The following LRGUK variants were observed in gnomAD, a reference collection of about 807,000 sequenced individuals.
LRGUK encodes leucine-rich repeat and guanylate kinase domain-containing protein.
A neutral mutation model predicts 76.0 loss-of-function variants in LRGUK; 65 were observed. The ratio of observed to expected loss-of-function variants is 0.85; its 90% CI spans 0.70 to 1.05. The LOEUF (loss-of-function observed/expected upper bound fraction) is 1.05, where lower values mean the gene tolerates loss of function less well. Among genes scored for constraint, LRGUK ranks in the 50% least tolerant of loss-of-function variants. The pLI is 0.00. For missense variants in LRGUK, 758 were observed against 732.8 expected, an observed-to-expected ratio of 1.03 and a Z score of -0.40; for synonymous variants, 268 against 265.6, an observed-to-expected ratio of 1.01 and a Z score of -0.09.
chr7:134,130,367 G>A (rs201351260), intron 1 of LRGUK, among the ~76,000 whole-genome samples: 1 of 5,240 alleles, frequency 1.9e-4, no homozygotes, highest in Non-Finnish European at 1.3e-3. Context: ...CTTTGGCTAT[G>A]GGGTTCATTA....
chr7:134,178,926 C>CAAAA (rs950815389), intron 10 of LRGUK, among the ~76,000 whole-genome samples: 3 of 43,572 alleles, frequency 6.9e-5, no homozygotes, highest in African/African-American at 2.6e-4. Context: ...AGTGAAATCT[C>CAAAA]AAAAAAAAAA....
intron 16 of LRGUK, among the ~76,000 whole-genome samples, chr7:134,230,137 A>C (rs1801857477): frequency 6.6e-6 from 1 of 152,170 alleles, no homozygotes. Flanking sequence ...AACTATAACC[A>C]ACAAAGTGTA....
chr7:134,195,185 A>T (rs1374462078), intron 12 of LRGUK, among the ~76,000 whole-genome samples: 7 of 152,156 alleles, frequency 4.6e-5, no homozygotes, highest in Admixed American at 4.6e-4. Context: ...TCTACAAAAT[A>T]TCTCAAGCAC....
Position 134,157,516 on chromosome 7 carries a change from A to G in LRGUK, c.671-519A>G, listed in dbSNP as rs532639421. Among the ~76,000 whole-genome samples the G allele has an allele frequency of 1.4e-4, 22 of 152,302 alleles. No homozygotes were observed. The South Asian group carries it at 4.6e-3, about 32-fold the overall frequency. On this transcript the variant is annotated intron_variant, in intron 5 of 15. Transcript: ENST00000645682. ...TTAAATGAGTCAGATACAATCCAGC[A>G]CACTCAAAAGCTATGCGTTTTTTTG...
chr7:134,226,700 G>C (rs1162855192), intron 16 of LRGUK, among the ~76,000 whole-genome samples: 1 of 152,184 alleles, frequency 6.6e-6, no homozygotes, highest in Non-Finnish European at 1.5e-5. Flanking sequence ...GCTATGAGAT[G>C]CCATTTCCTC....
chr7:134,142,266 C>G (rs1406709144), intron 3 of LRGUK, among the ~76,000 whole-genome samples: 1 of 152,214 alleles, frequency 6.6e-6, no homozygotes, highest in Non-Finnish European at 1.5e-5. Flanking sequence ...CTAGTAGAGA[C>G]AGGGCCATAA....
chr7:134,199,079 T>C, intron 13 of LRGUK, 141 bp from the exon 14 acceptor site: 1 of 573,028 alleles, frequency 1.7e-6, no homozygotes, highest in South Asian at 2.9e-5. Context: ...TATAGAAAAA[T>C]AGTAGCTAAC....
chr7:134,251,852 T>C (rs1802454809), intron 18 of LRGUK, among the ~76,000 whole-genome samples: 1 of 152,130 alleles, frequency 6.6e-6, no homozygotes, highest in Non-Finnish European at 1.5e-5. Flanking sequence ...CATGCATAGG[T>C]TAATAATGAC....
intron 4 of LRGUK, 114 bp from the exon 5 acceptor site, chr7:134,148,124 G>T: frequency 1.6e-6 from 1 of 629,518 alleles, no homozygotes; most frequent in Non-Finnish European, 2.8e-6. Context: ...TGTACTTTCA[G>T]TAATGAATTC....
intron 6 of LRGUK, among the ~76,000 whole-genome samples, chr7:134,162,002 T>C (rs574296110): frequency 3.1e-4 from 47 of 152,268 alleles, no homozygotes; most frequent in African/African-American, 1.1e-3. Context: ...TTCTTATTTG[T>C]TGTTATGGGT....
downstream of LRGUK, among the ~76,000 whole-genome samples, chr7:134,214,728 A>G (rs942587027): frequency 6.6e-6 from 1 of 151,928 alleles, no homozygotes; most frequent in Non-Finnish European, 1.5e-5. Context: ...TAAATTTTCT[A>G]CAATGACCTA....
At chr7:134,248,156 G>T (rs1018356971) in intron 17 of LRGUK, among the ~76,000 whole-genome samples, 3 of 152,218 alleles carry the variant, frequency 2.0e-5, no homozygotes, top group Non-Finnish European at 4.4e-5. Flanking sequence ...ATGCAAATTT[G>T]TATGGGAGGT....
At chr7:134,238,077 T>C (rs1338515629) in intron 16 of LRGUK, among the ~76,000 whole-genome samples, 1 of 152,222 alleles carries the variant, frequency 6.6e-6, no homozygotes, top group African/African-American at 2.4e-5. Context: ...TATGGATTCA[T>C]AGCTACACTA....
At chr7:134,214,784 A>G (rs2117138648), downstream of LRGUK, among the ~76,000 whole-genome samples, 1 of 134,088 alleles carries the variant, frequency 7.5e-6, no homozygotes, top group South Asian at 2.5e-4. Flanking sequence ...AAACACACAC[A>G]CACACACACA....
chr7:134,149,036 CAA>C (rs2116872752), intron 5 of LRGUK, among the ~76,000 whole-genome samples: 2 of 147,720 alleles, frequency 1.4e-5, no homozygotes, highest in East Asian at 4.0e-4. Context: ...CTTTATTTTG[CAA>C]AAGAGTTCAT....
intron 5 of LRGUK, among the ~76,000 whole-genome samples, chr7:134,154,901 C>T (rs1469036040): frequency 6.6e-6 from 1 of 152,168 alleles, no homozygotes; most frequent in Non-Finnish European, 1.5e-5. Flanking sequence ...AATAAACAAG[C>T]TTTCCTTTTT....
intron 16 of LRGUK, among the ~76,000 whole-genome samples, chr7:134,225,341 T>G (rs1217437412): frequency 6.6e-6 from 1 of 152,036 alleles, no homozygotes; most frequent in Non-Finnish European, 1.5e-5. Flanking sequence ...TCATGAACTT[T>G]TACACCAGAT....
chr7:134,170,382 C>T (rs1799190918), intron 7 of LRGUK, among the ~76,000 whole-genome samples: 1 of 151,854 alleles, frequency 6.6e-6, no homozygotes, highest in Admixed American at 6.6e-5. Context: ...CTTTCATTAC[C>T]TTTCAACTCT....
intron 2 of LRGUK, among the ~76,000 whole-genome samples, chr7:134,138,720 C>T (rs983211149): frequency 6.6e-6 from 1 of 152,186 alleles, no homozygotes; most frequent in African/African-American, 2.4e-5. Flanking sequence ...ATAAAACAAT[C>T]ATAGAAGTCT....
Sources: gnomAD v4.1 joint callset for allele counts (sites outside exome capture counted in the v4.1 genomes callset) on GRCh38, gnomAD v4.1.1 for gene constraint, MANE v1.5 for transcripts, NCBI Gene and HGNC (gene_info 2026-07-23, HGNC 2026-07-21) for gene names.